The following MED14 variants were observed in gnomAD, a reference collection of about 807,000 sequenced individuals.
MED14 encodes the protein mediator complex subunit 14.
A neutral mutation model predicts 109.0 loss-of-function variants in MED14; 8 were observed. That is an observed-to-expected ratio of 0.07 (90% CI 0.04 to 0.13). The LOEUF is 0.13. MED14 is among the 10% of genes least tolerant of loss of function. The pLI is 1.00. For synonymous variants in MED14, 399 were observed against 408.7 expected (o/e 0.98, Z 0.29); for missense variants, 711 against 1,142.4 (o/e 0.62, Z 5.44).
At chrX:40,671,543 A>T (rs919181356) in intron 23 of MED14, among the ~76,000 whole-genome samples, 2 of 112,409 alleles carry the variant, frequency 1.8e-5, no homozygotes, top group African/African-American at 6.5e-5. Flanking sequence ...AAAACAGGTG[A>T]CAGGCAGGAT....
chrX:40,711,092 G>A (rs1404191806), intron 8 of MED14, 77 bp downstream of exon 8: 1 of 1,054,308 alleles, frequency 9.5e-7, no homozygotes, highest in African/African-American at 1.9e-5. Context: ...TATTAAATCA[G>A]ATGTATGAGA....
chrX:40,683,764 C>T (rs1460759211), intron 16 of MED14, among the ~76,000 whole-genome samples: 1 of 111,898 alleles, frequency 8.9e-6, no homozygotes, highest in Non-Finnish European at 1.9e-5. Flanking sequence ...TTGCCACCTC[C>T]TCCTCTGTAG....
intron 1 of MED14, 45 bp from the exon 2 acceptor site, chrX:40,729,390 A>C: frequency 9.0e-7 from 1 of 1,109,455 alleles, no homozygotes; most frequent in Non-Finnish European, 1.2e-6. Context: ...GCATACCTTC[A>C]TTCTAATGTG....
chrX:40,662,796 T>C (rs1929336226), intron 26 of MED14, 129 bp downstream of exon 26: 1 of 492,643 alleles, frequency 2.0e-6, no homozygotes, highest in Non-Finnish European at 3.4e-6. Context: ...GTGAAAATCA[T>C]AATTCTAACA....
chrX:40,680,990 A>C, intron 19 of MED14, 80 bp from the exon 20 acceptor site: 1 of 729,569 alleles, frequency 1.4e-6, no homozygotes, highest in African/African-American at 2.1e-5. Flanking sequence ...GTTAAAAGTA[A>C]GGCAAAACGC....
At chrX:40,725,649 C>A (rs757267569) in intron 3 of MED14, among the ~76,000 whole-genome samples, 4 of 111,378 alleles carry the variant, frequency 3.6e-5, no homozygotes, top group Admixed American at 9.5e-5. Flanking sequence ...GATAAAAACC[C>A]TCAAAAAACT....
intron 12 of MED14, among the ~76,000 whole-genome samples, chrX:40,697,832 A>T (rs1930776554): frequency 8.9e-6 from 1 of 112,216 alleles, no homozygotes; most frequent in Non-Finnish European, 1.9e-5. Flanking sequence ...CATGATCAGC[A>T]GACTTGCCTT....
At chrX:40,658,637 G>A (rs1320066514) in intron 28 of MED14, among the ~76,000 whole-genome samples, 1 of 90,441 alleles carries the variant, frequency 1.1e-5, no homozygotes, top group Non-Finnish European at 2.1e-5. Context: ...GATCACTTGA[G>A]ACCTGAAGTC....
At chrX:40,681,061 C>T in intron 19 of MED14, 151 bp from the exon 20 acceptor site, 1 of 441,638 alleles carries the variant, frequency 2.3e-6, no homozygotes, top group South Asian at 3.6e-5. Flanking sequence ...TGGATTCGAA[C>T]TCCAGATGTG....
chrX:40,729,773 G>A (rs1932017008), intron 1 of MED14, among the ~76,000 whole-genome samples: 1 of 111,991 alleles, frequency 8.9e-6, no homozygotes, highest in South Asian at 3.7e-4. Flanking sequence ...TTGTGTTATG[G>A]TGGACAAAAC....
rs778281207 is a variant in MED14, at chrX:40,655,001, G to A, written c.4032C>T (p.Pro1344=). 1.2e-4 allele frequency: 140 copies of A among 1,208,934 alleles called. No individual in the cohort carries two copies. Among genetic ancestry groups the A allele is most frequent in the Non-Finnish European group, 1.5e-4 (136 of 894,488 alleles). ...CAGGAGGTGCAATCGGCGGCGCGCT[G>A]GGAGGGATCGTCAGGCAAAACTGAA... ...WNVQFCLTIP[P]SAPPIAPPGT... Residue 1344 remains proline, a synonymous_variant, in exon 29 of 31, where the codon CCC becomes CCT. Transcript: ENST00000324817.
intron 3 of MED14, among the ~76,000 whole-genome samples, chrX:40,715,778 T>G (rs1931493405): frequency 3.2e-5 from 2 of 62,326 alleles, no homozygotes; most frequent in Admixed American, 2.8e-4. Flanking sequence ...AGAGCGAGAC[T>G]CCGTCTCAAA....
intron 15 of MED14, among the ~76,000 whole-genome samples, chrX:40,690,603 C>T (rs1033200046): frequency 2.7e-5 from 3 of 111,165 alleles, no homozygotes; most frequent in African/African-American, 9.8e-5. Context: ...TTAGTAGAGA[C>T]GGGGTTTCAC....
chrX:40,696,902 G>T (rs1373707176), intron 13 of MED14, 122 bp downstream of exon 13: 2 of 619,611 alleles, frequency 3.2e-6, no homozygotes, highest in Non-Finnish European at 5.0e-6. Flanking sequence ...AAACCCCTGG[G>T]TTTCACTATA....
At chrX:40,654,322 T>C (rs367745894) in intron 30 of MED14, 42 bp downstream of exon 30, 84 of 1,164,636 alleles carry the variant, frequency 7.2e-5, no homozygotes, top group Non-Finnish European at 9.7e-5. Context: ...AAAGAACTTT[T>C]ATAACATATA....
Position 40,659,458 on chromosome X carries a change from A to C in MED14, c.3834T>G (p.Leu1278=). 8.3e-7 allele frequency: 1 copy of C among 1,210,465 alleles called. No homozygotes were observed. The highest frequency in any genetic ancestry group is 3.0e-5 in the East Asian group (1 of 33,864). Residue 1278 remains leucine, a synonymous_variant, in exon 27 of 31, where the codon CTT becomes CTG. Transcript: ENST00000324817. ...ENAGQWKPDE[L]QVLEKFFETR... ...TTTCAAAGAATTTCTCCAAAACTTG[A>C]AGTTCATCAGGTTTCCACTGTCCTG...
At chrX:40,674,365 A>G in intron 22 of MED14, among the ~76,000 whole-genome samples, 1 of 112,261 alleles carries the variant, frequency 8.9e-6, no homozygotes, top group South Asian at 3.7e-4. Context: ...TCAAAGATTT[A>G]AGCACTGGAA....
At chrX:40,697,407 C>A (rs775478401) in intron 12 of MED14, among the ~76,000 whole-genome samples, 1 of 112,080 alleles carries the variant, frequency 8.9e-6, no homozygotes, top group South Asian at 3.7e-4. Context: ...TGTGAATGAT[C>A]TTAGTTATAA....
At chrX:40,735,728 A>G (rs1009724222), upstream of MED14, 17 of 424,574 alleles carry the variant, frequency 4.0e-5, no homozygotes, top group African/African-American at 3.9e-4. Flanking sequence ...GTACATGTTG[A>G]CTGCCCGAGG....
Sources: allele counts gnomAD v4.1 joint callset (sites outside exome capture counted in the v4.1 genomes callset), GRCh38; gene constraint gnomAD v4.1.1; transcripts MANE v1.5; gene names NCBI Gene and HGNC (gene_info 2026-07-23, HGNC 2026-07-21).